LZTS1: variants seen among roughly 807,000 people sequenced by gnomAD.
The protein encoded by LZTS1 is leucine zipper putative tumor suppressor 1.
In LZTS1, 31 loss-of-function variants were observed where a neutral mutation model predicts 45.8. The ratio of observed to expected loss-of-function variants is 0.68; its 90% CI spans 0.51 to 0.91. The LOEUF (loss-of-function observed/expected upper bound fraction) is 0.91, where lower values mean the gene tolerates loss of function less well. Ranked by LOEUF, LZTS1 falls within the 40% of genes least tolerant of loss-of-function variation. LZTS1 has a pLI of 0.00. For synonymous variants in LZTS1, 359 were observed against 357.3 expected, an observed-to-expected ratio of 1.00 and a Z score of -0.05; for missense variants, 821 against 788.9, an observed-to-expected ratio of 1.04 and a Z score of -0.49.
intron 1 of LZTS1, among the ~76,000 whole-genome samples, chr8:20,288,155 C>G (rs1800826618): frequency 1.3e-5 from 2 of 152,174 alleles, no homozygotes; most frequent in South Asian, 4.1e-4. Flanking sequence ...CTGGTGTTGT[C>G]AGCTCAGCCG....
chr8:20,261,021 C>T (rs1378403986), intron 1 of LZTS1, among the ~76,000 whole-genome samples: 1 of 152,220 alleles, frequency 6.6e-6, no homozygotes, highest in African/African-American at 2.4e-5. Context: ...TCCATCTTCT[C>T]ACCTGCCCCC....
chr8:20,273,252 T>C (rs1445820905), intron 1 of LZTS1, among the ~76,000 whole-genome samples: 1 of 152,192 alleles, frequency 6.6e-6, no homozygotes, highest in South Asian at 2.1e-4. Context: ...GCGCAGCCTG[T>C]CCTCTGTCAC....
chr8:20,288,634 G>A (rs1312964140), intron 1 of LZTS1, among the ~76,000 whole-genome samples: 1 of 152,124 alleles, frequency 6.6e-6, no homozygotes, highest in African/African-American at 2.4e-5. Context: ...CCTAGGTTGC[G>A]GTCAACAGCC....
chr8:20,263,885 G>C (rs1224022059), intron 1 of LZTS1, among the ~76,000 whole-genome samples: 1 of 152,136 alleles, frequency 6.6e-6, no homozygotes, highest in Non-Finnish European at 1.5e-5. Flanking sequence ...AAATTTTTGA[G>C]ATATGGAAAT....
chr8:20,255,850 A>T (rs567751531), intron 1 of LZTS1, among the ~76,000 whole-genome samples: 1 of 152,012 alleles, frequency 6.6e-6, no homozygotes, highest in South Asian at 2.1e-4. Flanking sequence ...TGAGGTGGGC[A>T]GATTGCTTGA....
intron 3 of LZTS1, 52 bp downstream of exon 3, chr8:20,252,730 A>C: frequency 3.5e-6 from 5 of 1,425,912 alleles, no homozygotes; most frequent in Non-Finnish European, 4.7e-6. Context: ...AGAGGGGGGT[A>C]CTGGCGCCAA....
At chr8:20,270,655 C>T (rs1018883809) in intron 1 of LZTS1, among the ~76,000 whole-genome samples, 2 of 152,064 alleles carry the variant, frequency 1.3e-5, no homozygotes, top group African/African-American at 2.4e-5. Context: ...GGCGCAGACT[C>T]CTCCAGGAGG....
At chr8:20,289,914 G>A (rs565942683) in intron 1 of LZTS1, 17 of 152,376 alleles carry the variant, frequency 1.1e-4, no homozygotes, top group African/African-American at 4.1e-4. Flanking sequence ...CAGGTGGGAG[G>A]TTCCCACCAC....
At chr8:20,281,616 A>G (rs549027796) in intron 1 of LZTS1, among the ~76,000 whole-genome samples, 88 of 152,096 alleles carry the variant, frequency 5.8e-4, no homozygotes, top group African/African-American at 2.1e-3. Context: ...GTCATGAGTG[A>G]GTTCTTGCTG....
chr8:20,299,119 A>G (rs1329782270), intron 1 of LZTS1, among the ~76,000 whole-genome samples: 2 of 151,954 alleles, frequency 1.3e-5, no homozygotes, highest in Admixed American at 6.6e-5. Context: ...TTTATGCACC[A>G]CCTCTGTTTG....
intron 1 of LZTS1, among the ~76,000 whole-genome samples, chr8:20,270,799 C>CTG (rs1281545019): frequency 2.1e-3 from 261 of 123,056 alleles, no homozygotes; most frequent in African/African-American, 7.1e-3. Context: ...AGTGTGTCCT[C>CTG]TGTGTGTGTG....
rs1799724266 is a variant in LZTS1, at chr8:20,246,180, A to C, written c.*3542T>G. 6.5e-6 allele frequency: 1 copy of C among 152,674 alleles called. No homozygotes were observed. Among genetic ancestry groups the C allele is most frequent in the African/African-American group, 2.4e-5 (1 of 41,454 alleles). The allele number at this position is 152,674 out of a possible 1,614,324, so 9.5% of individuals were successfully genotyped here. A position where few individuals can be genotyped will look rare whatever the true frequency, so the allele number is the denominator to read the frequency against. ...CACGTGGCTCTAGAGGGCGTGAGAA[A>C]TGGCATTCTTTATTCATAAATAAAA... On this transcript the variant is annotated 3_prime_UTR_variant, in exon 4 of 4. Coordinates refer to ENST00000381569, the MANE Select transcript of LZTS1 (RefSeq NM_021020.5).
intron 1 of LZTS1, among the ~76,000 whole-genome samples, chr8:20,275,533 G>GA (rs1190384717): frequency 5.9e-5 from 9 of 152,020 alleles, no homozygotes; most frequent in South Asian, 4.2e-4. Flanking sequence ...CTAAGCAGGA[G>GA]AAAAAATCTA....
chr8:20,270,689 A>C (rs966057903), intron 1 of LZTS1, among the ~76,000 whole-genome samples: 1 of 152,032 alleles, frequency 6.6e-6, no homozygotes, highest in African/African-American at 2.4e-5. Flanking sequence ...GACAGGAGGA[A>C]GGGTGGGGGA....
rs1237541758 is a variant in LZTS1 at position 20,248,009 on chromosome 8, AAAAG to A, written c.*1709_*1712del. On this transcript the variant is annotated 3_prime_UTR_variant, in exon 4 of 4. Transcript: ENST00000381569. ...TGAAAAGACAAGAAAGCAAAAAAGA[AAAAG>A]AAAGAAGAATAAAAGAAAAATCTGG... The A allele has an allele frequency of 6.5e-6, 1 of 152,692 alleles. No homozygotes were observed. The highest frequency in any genetic ancestry group is 1.5e-5 in the Non-Finnish European group (1 of 68,106). The allele number at this position is 152,692 out of a possible 1,614,324, so 9.5% of individuals were successfully genotyped here.
chr8:20,290,147 A>G (rs1409282610), intron 1 of LZTS1: 1 of 152,190 alleles, frequency 6.6e-6, no homozygotes, highest in African/African-American at 2.4e-5. Flanking sequence ...TCCACCGCAG[A>G]CACCAACAAG....
intron 1 of LZTS1, among the ~76,000 whole-genome samples, chr8:20,261,425 C>G (rs1800226238): frequency 6.6e-6 from 1 of 152,118 alleles, no homozygotes; most frequent in African/African-American, 2.4e-5. Flanking sequence ...CTCCACTAGC[C>G]CACCTGCACT....
chr8:20,301,882 C>G (rs568196888), intron 1 of LZTS1, among the ~76,000 whole-genome samples: 5 of 152,206 alleles, frequency 3.3e-5, no homozygotes, highest in Non-Finnish European at 5.9e-5. Context: ...GTGAAGCACA[C>G]AGCCGCTGCT....
chr8:20,250,023 A>ACGTCCT lies in LZTS1; in HGVS notation c.1484_1489dup (p.Glu495_Asp496dup). Reference sequence around the variant, plus strand: ...CTCCAGCTCCCGCTGCAGGGCAGGGACGTCCTCGGGGAAGGTGGGCGGCCC... The same window carrying ACGTCCT: ...CTCCAGCTCCCGCTGCAGGGCAGGGACGTCCTCGTCCTCGGGGAAGGTGGGCGGCCC... On this transcript the variant is annotated inframe_insertion, in exon 4 of 4. Coordinates refer to ENST00000381569, the MANE Select transcript of LZTS1 (RefSeq NM_021020.5). 4.3e-6 allele frequency: 7 copies of ACGTCCT among 1,611,708 alleles called. No homozygotes were observed. Among genetic ancestry groups the ACGTCCT allele is most frequent in the Non-Finnish European group, 5.1e-6 (6 of 1,179,440 alleles).
Sources: allele counts gnomAD v4.1 joint callset (sites outside exome capture counted in the v4.1 genomes callset), GRCh38; gene constraint gnomAD v4.1.1; transcripts MANE v1.5; gene names NCBI Gene and HGNC (gene_info 2026-07-23, HGNC 2026-07-21).